Variants in ACOXL observed in about 807,000 individuals in gnomAD.
ACOXL encodes the protein acyl-CoA oxidase like.
Under a neutral mutation model 71.9 loss-of-function variants are expected in ACOXL, and 70 were observed. The ratio of observed to expected loss-of-function variants is 0.97; its 90% CI spans 0.80 to 1.19. The LOEUF is 1.19. Ranked by LOEUF, ACOXL falls within the 50% of genes most tolerant of loss-of-function variation. The pLI is 0.00. For synonymous variants in ACOXL, 253 were observed against 281.6 expected, an observed-to-expected ratio of 0.90 and a Z score of 1.02; for missense variants, 703 against 736.3, an observed-to-expected ratio of 0.95 and a Z score of 0.52.
chr2:110,959,001 C>T (rs534970552), intron 12 of ACOXL, among the ~76,000 whole-genome samples: 3 of 152,354 alleles, frequency 2.0e-5, no homozygotes, highest in Non-Finnish European at 4.4e-5. Flanking sequence ...CCCAGGCCTG[C>T]ACGGCCCCTC....
At chr2:110,949,991 A>G (rs1034264453) in intron 12 of ACOXL, among the ~76,000 whole-genome samples, 5 of 152,112 alleles carry the variant, frequency 3.3e-5, no homozygotes, top group Admixed American at 1.3e-4. Context: ...CTCATTTAAC[A>G]TAAGTCCTTG....
intron 1 of ACOXL, among the ~76,000 whole-genome samples, chr2:110,755,712 G>A (rs925225782): frequency 2.0e-5 from 3 of 152,076 alleles, no homozygotes; most frequent in African/African-American, 7.2e-5. Context: ...ACTCCATCTA[G>A]TGGTTCTTTT....
intron 9 of ACOXL, among the ~76,000 whole-genome samples, chr2:110,821,247 T>C (rs1450078031): frequency 2.0e-5 from 3 of 152,196 alleles, no homozygotes; most frequent in African/African-American, 7.2e-5. Context: ...ATAAGCTCTC[T>C]TTTGAGGAGC....
chr2:111,053,998 G>T (rs1274364342), intron 16 of ACOXL, among the ~76,000 whole-genome samples: 1 of 152,196 alleles, frequency 6.6e-6, no homozygotes, highest in Non-Finnish European at 1.5e-5. Context: ...TAGAACAAGG[G>T]TTGGCTCAGA....
In ACOXL at chr2:110,841,519, T is replaced by C; in HGVS notation, c.788+114T>C. ...TTTTGGTGGTTGCTTTCCTGTGATG[T>C]CCGTGTCGCAGATGGAATTGTTCTA... On this transcript the variant is annotated intron_variant, in intron 10 of 17. Transcript: ENST00000439055. 3 of 769,032 alleles carry C rather than the reference T, an allele frequency of 3.9e-6. No homozygotes were observed. The South Asian group carries it at 5.0e-5, about 13-fold the overall frequency. 47.6% of individuals were successfully genotyped at this position (769,032 alleles called of 1,614,324 possible).
At chr2:110,986,968 C>A in intron 12 of ACOXL, 140 bp from the exon 13 acceptor site, 2 of 695,852 alleles carry the variant, frequency 2.9e-6, no homozygotes, top group Non-Finnish European at 2.4e-6. Context: ...AAATAGAGAC[C>A]CTTGTAAGAA....
At chr2:110,832,544 C>CAAAAAAAAAAAAAA (rs769471148) in intron 9 of ACOXL, among the ~76,000 whole-genome samples, 1 of 44,314 alleles carries the variant, frequency 2.3e-5, no homozygotes. Context: ...GACTCCATCT[C>CAAAAAAAAAAAAAA]AAAAAAAAAA....
At chr2:110,975,471 A>G (rs943509912) in intron 12 of ACOXL, among the ~76,000 whole-genome samples, 2 of 152,136 alleles carry the variant, frequency 1.3e-5, no homozygotes, top group African/African-American at 4.8e-5. Flanking sequence ...GCAGACGTCA[A>G]AACACTTCAC....
intron 2 of ACOXL, among the ~76,000 whole-genome samples, chr2:110,779,801 A>C (rs1442688137): frequency 6.6e-6 from 1 of 152,250 alleles, no homozygotes; most frequent in Non-Finnish European, 1.5e-5. Context: ...CTACACACAA[A>C]ACTAATTTGA....
At chr2:110,935,924 C>T (rs187738978) in intron 12 of ACOXL, among the ~76,000 whole-genome samples, 9 of 152,202 alleles carry the variant, frequency 5.9e-5, no homozygotes, top group African/African-American at 1.7e-4. Flanking sequence ...CTCAGGCTTT[C>T]GATTCTCATG....
intron 17 of ACOXL, among the ~76,000 whole-genome samples, chr2:111,106,176 C>T (rs111908206): frequency 3.3e-4 from 51 of 152,254 alleles, no homozygotes; most frequent in African/African-American, 1.2e-3. Flanking sequence ...TAATTACACA[C>T]GTTCCTGACC....
intron 15 of ACOXL, among the ~76,000 whole-genome samples, chr2:111,042,599 G>T (rs932292737): frequency 6.6e-6 from 1 of 152,240 alleles, no homozygotes; most frequent in African/African-American, 2.4e-5. Flanking sequence ...CAGGAGGAAG[G>T]TGTTTGGGAG....
intron 14 of ACOXL, among the ~76,000 whole-genome samples, chr2:111,007,544 G>A (rs2063934685): frequency 6.6e-6 from 1 of 152,150 alleles, no homozygotes; most frequent in Non-Finnish European, 1.5e-5. Flanking sequence ...AACGTTGAGA[G>A]CTCCTTCAGG....
rs199969007 is a variant in ACOXL at position 110,877,002 on chromosome 2, T to TG, written c.789-31785dup. Among the ~76,000 whole-genome samples the TG allele has an allele frequency of 9.0e-3, 1,366 of 152,352 alleles. 33 individuals carry two copies. Among genetic ancestry groups the TG allele is most frequent in the Admixed American group, 0.056 (855 of 15,304 alleles). On this transcript the variant is annotated intron_variant, in intron 10 of 17. Coordinates refer to ENST00000439055, the MANE Select transcript of ACOXL (RefSeq NM_001142807.4). ...TCTCTACTACTCCCCATCCATGCTCTGGTGGCTTATTGCAACCTCCCTGGG... is the reference window on the plus strand; with the variant it reads ...TCTCTACTACTCCCCATCCATGCTCTGGGTGGCTTATTGCAACCTCCCTGGG...
intron 9 of ACOXL, among the ~76,000 whole-genome samples, chr2:110,807,567 C>G (rs1240717509): frequency 6.6e-6 from 1 of 152,188 alleles, no homozygotes; most frequent in Non-Finnish European, 1.5e-5. Context: ...ACCACAGTAA[C>G]CCGGAGTTAG....
chr2:110,861,164 A>C (rs1693914094), intron 10 of ACOXL, among the ~76,000 whole-genome samples: 1 of 152,164 alleles, frequency 6.6e-6, no homozygotes, highest in Non-Finnish European at 1.5e-5. Flanking sequence ...CAACGGTTTT[A>C]TTTCAGTATT....
At chr2:110,797,848 G>A (rs1299745618) in intron 5 of ACOXL, among the ~76,000 whole-genome samples, 1 of 152,188 alleles carries the variant, frequency 6.6e-6, no homozygotes, top group Non-Finnish European at 1.5e-5. Flanking sequence ...GGCTTTTAGA[G>A]GTTTTGGTGT....
At chr2:110,963,601 G>GTGTT (rs754875041) in intron 12 of ACOXL, 1 of 1,261,812 alleles carries the variant, frequency 7.9e-7, no homozygotes, top group Non-Finnish European at 1.0e-6. Context: ...GTGTGTGTGT[G>GTGTT]TGTTTTTCTC....
At chr2:110,991,955 G>A (rs907749546) in intron 13 of ACOXL, among the ~76,000 whole-genome samples, 5 of 152,150 alleles carry the variant, frequency 3.3e-5, no homozygotes, top group South Asian at 2.1e-4. Flanking sequence ...AGAATAGTAC[G>A]ACTCCCCACC....
Sources: gnomAD v4.1 joint callset for allele counts (sites outside exome capture counted in the v4.1 genomes callset) on GRCh38, gnomAD v4.1.1 for gene constraint, MANE v1.5 for transcripts, NCBI Gene and HGNC (gene_info 2026-07-23, HGNC 2026-07-21) for gene names.